Variants in CALN1 observed in about 807,000 individuals in gnomAD.
The protein encoded by CALN1 is calcium-binding protein 8.
A neutral mutation model predicts 30.6 loss-of-function variants in CALN1; 17 were observed. The ratio of observed to expected loss-of-function variants is 0.56; its 90% CI spans 0.38 to 0.83. The LOEUF (loss-of-function observed/expected upper bound fraction) is 0.83. Ranked by LOEUF, CALN1 falls within the 40% of genes least tolerant of loss-of-function variation. CALN1 has a pLI of 0.00. For synonymous variants in CALN1, 156 were observed against 131.4 expected (o/e 1.19, Z -1.28); for missense variants, 291 against 354.9 (o/e 0.82, Z 1.45).
chr7:72,259,443 T>G (rs1266423213), intron 3 of CALN1, among the ~76,000 whole-genome samples: 1 of 152,008 alleles, frequency 6.6e-6, no homozygotes, highest in Non-Finnish European at 1.5e-5. Flanking sequence ...TGTACCTCAT[T>G]ACCTAGTTAA....
chr7:71,995,823 T>C (rs1425002019), intron 5 of CALN1, among the ~76,000 whole-genome samples: 2 of 151,526 alleles, frequency 1.3e-5, no homozygotes, highest in African/African-American at 2.4e-5. Context: ...TGCCCAGAGA[T>C]TGGAGGCAAC....
At chr7:71,930,535 T>C (rs1004484532) in intron 5 of CALN1, among the ~76,000 whole-genome samples, 3 of 152,268 alleles carry the variant, frequency 2.0e-5, no homozygotes, top group Non-Finnish European at 4.4e-5. Flanking sequence ...AGCTTCTTGA[T>C]AGTGTCTTTT....
chr7:72,349,642 T>C (rs77967714), intron 2 of CALN1, among the ~76,000 whole-genome samples: 2,284 of 152,176 alleles, frequency 0.015, 28 homozygotes, highest in Middle Eastern at 0.041. Context: ...AAAACAAAAA[T>C]ACTGAGAATT....
the CALN1 span, among the ~76,000 whole-genome samples, chr7:72,490,999 C>T: frequency 2.0e-5 from 3 of 152,276 alleles, no homozygotes; most frequent in East Asian, 5.8e-4. Flanking sequence ...AATCCCAGCA[C>T]TTTGGGAGGC....
At chr7:71,828,214 A>C (rs1241296503) in intron 5 of CALN1, among the ~76,000 whole-genome samples, 1 of 152,128 alleles carries the variant, frequency 6.6e-6, no homozygotes, top group Non-Finnish European at 1.5e-5. Flanking sequence ...TTGGTGTCTC[A>C]GCCCTTCACA....
At chr7:71,861,604 G>C (rs774102285) in intron 5 of CALN1, among the ~76,000 whole-genome samples, 61 of 149,006 alleles carry the variant, frequency 4.1e-4, no homozygotes, top group Admixed American at 2.7e-4. Flanking sequence ...GTGAGACCCT[G>C]TGACTACGAA....
At chr7:72,050,246 C>T (rs1374779940) in intron 4 of CALN1, among the ~76,000 whole-genome samples, 1 of 152,162 alleles carries the variant, frequency 6.6e-6, no homozygotes, top group East Asian at 1.9e-4. Flanking sequence ...TTTACCTTCA[C>T]TCTAAAACAT....
At chr7:72,184,025 C>T (rs749832106) in intron 3 of CALN1, among the ~76,000 whole-genome samples, 8 of 152,188 alleles carry the variant, frequency 5.3e-5, no homozygotes, top group African/African-American at 1.9e-4. Context: ...ACTCAACCAG[C>T]AGGGGGCATC....
At chr7:72,475,516 A>G in the CALN1 span, among the ~76,000 whole-genome samples, 1 of 152,204 alleles carries the variant, frequency 6.6e-6, no homozygotes, top group African/African-American at 2.4e-5. Flanking sequence ...TCACACAGCC[A>G]GAAAGTGGCC....
intron 2 of CALN1, among the ~76,000 whole-genome samples, chr7:72,281,355 A>G (rs780452117): frequency 2.0e-5 from 3 of 152,168 alleles, no homozygotes; most frequent in African/African-American, 4.8e-5. Context: ...CTGTTACAGC[A>G]GCACAAAACA....
intron 1 of CALN1, among the ~76,000 whole-genome samples, chr7:72,406,654 T>C (rs1806721805): frequency 6.7e-6 from 1 of 150,286 alleles, no homozygotes; most frequent in African/African-American, 2.5e-5. Context: ...TCTTGTTCTG[T>C]CACCCAGGCT....
chr7:72,287,668 G>T (rs1798179520), intron 2 of CALN1, among the ~76,000 whole-genome samples: 1 of 151,868 alleles, frequency 6.6e-6, no homozygotes. Context: ...GGATGGTCTT[G>T]ATCTCCTGAC....
At chr7:71,817,350 T>C (rs1410988518) in intron 5 of CALN1, among the ~76,000 whole-genome samples, 1 of 152,226 alleles carries the variant, frequency 6.6e-6, no homozygotes, top group Non-Finnish European at 1.5e-5. Flanking sequence ...TTTTATTGGT[T>C]TCTCTCTTCT....
At chr7:72,253,372 T>C (rs557154496) in intron 3 of CALN1, among the ~76,000 whole-genome samples, 5 of 152,320 alleles carry the variant, frequency 3.3e-5, no homozygotes, top group African/African-American at 1.2e-4. Context: ...GAGATAACAA[T>C]TCCCATTTGT....
At chr7:72,343,534 G>A (rs967613860) in intron 2 of CALN1, among the ~76,000 whole-genome samples, 23 of 137,066 alleles carry the variant, frequency 1.7e-4, no homozygotes, top group Non-Finnish European at 2.8e-4. Context: ...GTGACAGAGC[G>A]AGATTCTGTC....
chr7:72,366,798 C>T (rs1803902849), intron 2 of CALN1, among the ~76,000 whole-genome samples: 1 of 149,560 alleles, frequency 6.7e-6, no homozygotes, highest in Non-Finnish European at 1.5e-5. Context: ...TGTATATGAC[C>T]TGGCAGTTTC....
At chr7:72,021,619 C>G (rs185463315) in intron 5 of CALN1, among the ~76,000 whole-genome samples, 32 of 152,230 alleles carry the variant, frequency 2.1e-4, no homozygotes, top group Admixed American at 9.2e-4. Context: ...GTTTTCCTGT[C>G]AGCAGTGGGG....
rs1790221750 is a variant in CALN1 at position 71,846,173 on chromosome 7, G to T, written c.502-35681C>A. On this transcript the variant is annotated intron_variant, in intron 5 of 6. Coordinates refer to ENST00000395275, the MANE Select transcript of CALN1 (RefSeq NM_031468.4). ...GCACCTGACTGACTGCAGCATTTAG[G>T]ATACACCAACAAAGAATCGCCCTAT... Among the ~76,000 whole-genome samples the T allele has an allele frequency of 2.6e-5, 4 of 152,128 alleles. No homozygotes were observed. In the South Asian group the frequency reaches 8.3e-4, roughly 32 times the overall value.
chr7:71,926,179 C>T (rs1386106452), intron 5 of CALN1, among the ~76,000 whole-genome samples: 1 of 152,130 alleles, frequency 6.6e-6, no homozygotes, highest in Non-Finnish European at 1.5e-5. Flanking sequence ...CTCTCCCCAA[C>T]CCCCTAACCA....
Sources: allele counts gnomAD v4.1 joint callset (sites outside exome capture counted in the v4.1 genomes callset), GRCh38; gene constraint gnomAD v4.1.1; transcripts MANE v1.5; gene names NCBI Gene and HGNC (gene_info 2026-07-23, HGNC 2026-07-21).